The following RASEF variants were observed in gnomAD, a reference collection of about 807,000 sequenced individuals.
The protein encoded by RASEF is ras and EF-hand domain-containing protein.
A neutral mutation model predicts 90.1 loss-of-function variants in RASEF; 68 were observed. The observed-to-expected ratio is 0.75, with a 90% CI of 0.62 to 0.92. RASEF has a LOEUF of 0.92. Ranked by LOEUF, RASEF falls within the 40% of genes least tolerant of loss-of-function variation. The pLI, the probability that RASEF is intolerant of heterozygous loss-of-function variation, is 0.00. For missense variants in RASEF, 949 were observed against 937.2 expected (o/e 1.01, Z -0.16); for synonymous variants, 331 against 345.2 (o/e 0.96, Z 0.46).
At chr9:83,101,136 A>C in the RASEF span, among the ~76,000 whole-genome samples, 6 of 152,222 alleles carry the variant, frequency 3.9e-5, no homozygotes, top group Non-Finnish European at 8.8e-5. Context: ...CGATGACATG[A>C]GGAAGCTACA....
At position 83,001,205 on chromosome 9, in the gene RASEF, C is replaced by T. The variant is rs147739363; in HGVS notation, c.1203-75G>A. 28 of 1,024,530 alleles carry T rather than the reference C, an allele frequency of 2.7e-5. No individual in the cohort carries two copies. The African/African-American group carries it at 4.1e-4, about 15-fold the overall frequency. 63.5% of individuals were successfully genotyped at this position (1,024,530 alleles called of 1,614,324 possible). A position where few individuals can be genotyped will look rare whatever the true frequency, so the allele number is the denominator to read the frequency against. Reference sequence around the variant, plus strand: ...GAACATACAGGCAATAGACCACATGCCATTAGATGGAATCAAGTAGGCCGA... The same window carrying T: ...GAACATACAGGCAATAGACCACATGTCATTAGATGGAATCAAGTAGGCCGA... On this transcript the variant is annotated intron_variant, in intron 9 of 16. Transcript: ENST00000376447.
the RASEF span, among the ~76,000 whole-genome samples, chr9:83,134,653 A>G: frequency 1.3e-5 from 2 of 152,176 alleles, no homozygotes; most frequent in African/African-American, 2.4e-5. Context: ...GCTACCTACA[A>G]TGGGGTCATA....
At chr9:83,156,809 G>C in the RASEF span, among the ~76,000 whole-genome samples, 1 of 152,128 alleles carries the variant, frequency 6.6e-6, no homozygotes, top group Non-Finnish European at 1.5e-5. Context: ...ATTATGCTAA[G>C]TTGGGATGGG....
At chr9:83,216,429 G>T in the RASEF span, among the ~76,000 whole-genome samples, 1 of 152,206 alleles carries the variant, frequency 6.6e-6, no homozygotes, top group Non-Finnish European at 1.5e-5. Flanking sequence ...AGGGCCCAAG[G>T]TACAGCTCAG....
the RASEF span, among the ~76,000 whole-genome samples, chr9:83,081,109 T>G: frequency 6.6e-6 from 1 of 152,166 alleles, no homozygotes; most frequent in Non-Finnish European, 1.5e-5. Context: ...GCTATCATCC[T>G]CATGTTACTG....
At chr9:83,174,091 T>A in the RASEF span, among the ~76,000 whole-genome samples, 4 of 151,946 alleles carry the variant, frequency 2.6e-5, no homozygotes, top group East Asian at 7.7e-4. Flanking sequence ...ATATTTTCTG[T>A]CATTCAGTAG....
chr9:83,072,639 C>T, the RASEF span, among the ~76,000 whole-genome samples: 157 of 152,296 alleles, frequency 1.0e-3, no homozygotes, highest in African/African-American at 3.4e-3. Flanking sequence ...ATTCCAAAAG[C>T]TGAAGAACTT....
chr9:83,093,353 A>G, the RASEF span, among the ~76,000 whole-genome samples: 33 of 152,176 alleles, frequency 2.2e-4, no homozygotes, highest in Non-Finnish European at 7.4e-5. Flanking sequence ...AGGGGGTGGC[A>G]CTTGTCGGGG....
chr9:83,173,561 C>T, the RASEF span, among the ~76,000 whole-genome samples: 1 of 151,528 alleles, frequency 6.6e-6, no homozygotes, highest in African/African-American at 2.4e-5. Context: ...TTTGATTTTT[C>T]AGCTCCAGGA....
chr9:83,110,539 G>T, the RASEF span, among the ~76,000 whole-genome samples: 1 of 152,154 alleles, frequency 6.6e-6, no homozygotes, highest in Admixed American at 6.5e-5. Context: ...GTGGGGACTT[G>T]TTTCAAACTT....
chr9:83,195,937 T>C, the RASEF span, among the ~76,000 whole-genome samples: 2 of 151,734 alleles, frequency 1.3e-5, no homozygotes, highest in African/African-American at 2.4e-5. Context: ...AAAACAAGGG[T>C]GCAAGCAGAA....
the RASEF span, among the ~76,000 whole-genome samples, chr9:83,147,920 C>T: frequency 3.9e-5 from 6 of 152,218 alleles, no homozygotes; most frequent in South Asian, 8.3e-4. Context: ...TTCCTCTCAA[C>T]ACTCAGACAC....
chr9:82,985,397 A>G (rs969173061), intron 16 of RASEF, among the ~76,000 whole-genome samples: 3 of 152,150 alleles, frequency 2.0e-5, no homozygotes, highest in African/African-American at 4.8e-5. Context: ...ATCGGCCCCC[A>G]TGACTCAATT....
the RASEF span, among the ~76,000 whole-genome samples, chr9:83,188,683 G>A: frequency 6.6e-6 from 1 of 152,194 alleles, no homozygotes; most frequent in Admixed American, 6.5e-5. Context: ...CAGAGACCAG[G>A]ATCTCTTTTC....
the RASEF span, among the ~76,000 whole-genome samples, chr9:83,142,138 T>A: frequency 6.6e-6 from 1 of 152,256 alleles, no homozygotes; most frequent in East Asian, 1.9e-4. Context: ...GTGATAAAAA[T>A]TTTATAAGTG....
At chr9:83,215,572 C>G in the RASEF span, among the ~76,000 whole-genome samples, 3 of 152,328 alleles carry the variant, frequency 2.0e-5, no homozygotes, top group Admixed American at 2.0e-4. Flanking sequence ...TCTCCCATTT[C>G]AAAACTGTGA....
chr9:83,154,010 C>T, the RASEF span, among the ~76,000 whole-genome samples: 3 of 152,182 alleles, frequency 2.0e-5, no homozygotes, highest in African/African-American at 7.2e-5. Context: ...TCTGGTTGAG[C>T]CCTGGTTCTG....
At chr9:83,206,982 C>T in the RASEF span, among the ~76,000 whole-genome samples, 1 of 152,164 alleles carries the variant, frequency 6.6e-6, no homozygotes, top group Admixed American at 6.5e-5. Context: ...GCCTTTCCCT[C>T]CTGGAGATAT....
At chr9:83,175,358 A>T in the RASEF span, among the ~76,000 whole-genome samples, 1 of 152,160 alleles carries the variant, frequency 6.6e-6, no homozygotes, top group Non-Finnish European at 1.5e-5. Context: ...ATCTATAGAG[A>T]TGATCATTTG....
Sources: gnomAD v4.1 joint callset for allele counts (sites outside exome capture counted in the v4.1 genomes callset) on GRCh38, gnomAD v4.1.1 for gene constraint, MANE v1.5 for transcripts, NCBI Gene and HGNC (gene_info 2026-07-23, HGNC 2026-07-21) for gene names.